COL26A1: variants seen among roughly 807,000 people sequenced by gnomAD.
COL26A1 encodes the protein collagen type XXVI alpha 1 chain, also known as collagen alpha-1(XXVI) chain.
Under a neutral mutation model 59.3 loss-of-function variants are expected in COL26A1, and 41 were observed. The ratio of observed to expected loss-of-function variants is 0.69; its 90% CI spans 0.54 to 0.90. The LOEUF (loss-of-function observed/expected upper bound fraction) is 0.90, where lower values mean the gene tolerates loss of function less well. Among genes scored for constraint, COL26A1 ranks in the 40% least tolerant of loss-of-function variants. COL26A1 has a pLI of 0.00. For missense variants in COL26A1, 612 were observed against 602.3 expected (o/e 1.02, Z -0.17); for synonymous variants, 266 against 256.0 (o/e 1.04, Z -0.37).
At chr7:101,426,038 G>A (rs527778387) in intron 2 of COL26A1, among the ~76,000 whole-genome samples, 13 of 151,986 alleles carry the variant, frequency 8.6e-5, no homozygotes, top group Non-Finnish European at 1.6e-4. Flanking sequence ...TGTTGGCCAG[G>A]CTGGTCTCGA....
chr7:101,510,019 C>G (rs972335839), intron 3 of COL26A1, among the ~76,000 whole-genome samples: 1 of 122,496 alleles, frequency 8.2e-6, no homozygotes, highest in Non-Finnish European at 1.6e-5. Flanking sequence ...TAAGCCATCG[C>G]GCCCAGTCTT....
chr7:101,470,421 C>A (rs776791548), intron 3 of COL26A1, among the ~76,000 whole-genome samples: 8 of 151,906 alleles, frequency 5.3e-5, no homozygotes, highest in Non-Finnish European at 1.0e-4. Context: ...ATTGGCATAG[C>A]TGCCGGCATT....
chr7:101,540,823 CG>C (rs1795599489), intron 5 of COL26A1, among the ~76,000 whole-genome samples: 1 of 152,088 alleles, frequency 6.6e-6, no homozygotes, highest in African/African-American at 2.4e-5. Flanking sequence ...GCCTGGAAGA[CG>C]GGGTGAAACC....
At chr7:101,502,766 C>T (rs7800182) in intron 3 of COL26A1, among the ~76,000 whole-genome samples, 3 of 152,122 alleles carry the variant, frequency 2.0e-5, no homozygotes, top group African/African-American at 4.8e-5. Flanking sequence ...GGTCTAGGGA[C>T]GCATGCCCCC....
In COL26A1 at chr7:101,557,619, G is replaced by T; in HGVS notation, c.*89G>T. The T allele has an allele frequency of 7.5e-7, 1 of 1,324,596 alleles. No individual in the cohort carries two copies. 82.1% of individuals were successfully genotyped at this position (1,324,596 alleles called of 1,614,324 possible). ...GCTGTTTCCTAAAGATGCCCCCAGGGGAACTGGGCTCCAGGCATGGATGAT... is the reference window on the plus strand; with the variant it reads ...GCTGTTTCCTAAAGATGCCCCCAGGTGAACTGGGCTCCAGGCATGGATGAT... On this transcript the variant is annotated 3_prime_UTR_variant, in exon 13 of 13. Coordinates refer to ENST00000313669, the MANE Select transcript of COL26A1 (RefSeq NM_001278563.3).
At chr7:101,394,085 A>G (rs1196872127) in intron 1 of COL26A1, among the ~76,000 whole-genome samples, 1 of 151,892 alleles carries the variant, frequency 6.6e-6, no homozygotes, top group Non-Finnish European at 1.5e-5. Flanking sequence ...GCTGGGAACC[A>G]ATGCTTATTG....
intron 1 of COL26A1, among the ~76,000 whole-genome samples, chr7:101,391,513 A>G (rs1791727946): frequency 6.6e-6 from 1 of 152,056 alleles, no homozygotes; most frequent in Non-Finnish European, 1.5e-5. Flanking sequence ...GGTCTTCTCT[A>G]TGGTTCTCTG....
In COL26A1 at chr7:101,466,635, A is replaced by C. The variant is rs188628270; in HGVS notation, c.385+18848A>C. ...AGCCTCGGAGGTTGAGGCTGCAGTG[A>C]GCTGTGATTGTGCCACTGCACTCCA... On this transcript the variant is annotated intron_variant, in intron 3 of 12. Coordinates refer to ENST00000313669, the MANE Select transcript of COL26A1 (RefSeq NM_001278563.3). Among the ~76,000 whole-genome samples the C allele has an allele frequency of 5.5e-3, 833 of 152,212 alleles. 5 individuals are homozygous for C. The highest frequency in any genetic ancestry group is 0.019 in the African/African-American group (808 of 41,532).
At chr7:101,474,583 C>T (rs1361826079) in intron 3 of COL26A1, among the ~76,000 whole-genome samples, 1 of 151,998 alleles carries the variant, frequency 6.6e-6, no homozygotes, top group Admixed American at 6.6e-5. Flanking sequence ...CAGAGCCAGA[C>T]CCTGTCTCAA....
intron 2 of COL26A1, among the ~76,000 whole-genome samples, chr7:101,421,273 G>A (rs548147779): frequency 2.0e-5 from 3 of 152,202 alleles, no homozygotes; most frequent in Non-Finnish European, 4.4e-5. Flanking sequence ...CTGGTCAAAT[G>A]CCTCCTTCCT....
At chr7:101,393,139 T>C (rs1247557174) in intron 1 of COL26A1, among the ~76,000 whole-genome samples, 1 of 152,042 alleles carries the variant, frequency 6.6e-6, no homozygotes, top group Non-Finnish European at 1.5e-5. Flanking sequence ...GTAGCTGAGA[T>C]TACAGGCGTG....
intron 3 of COL26A1, among the ~76,000 whole-genome samples, chr7:101,528,215 C>T (rs1003586289): frequency 2.0e-5 from 3 of 152,104 alleles, no homozygotes; most frequent in Admixed American, 2.0e-4. Flanking sequence ...AAACTGGGCC[C>T]AGGCCCAGCA....
At chr7:101,486,081 G>A (rs1304363951) in intron 3 of COL26A1, among the ~76,000 whole-genome samples, 1 of 151,796 alleles carries the variant, frequency 6.6e-6, no homozygotes, top group Non-Finnish European at 1.5e-5. Context: ...GCTGAGGCAC[G>A]AGAATCACTT....
intron 3 of COL26A1, among the ~76,000 whole-genome samples, chr7:101,502,897 G>A (rs1794734808): frequency 6.6e-6 from 1 of 152,254 alleles, no homozygotes; most frequent in East Asian, 1.9e-4. Flanking sequence ...TCTAAGGGGC[G>A]GGAGCTGCTC....
In COL26A1 at chr7:101,362,899, A is replaced by G. The variant is rs1790925955; in HGVS notation, c.-134A>G. 1.1e-6 allele frequency: 1 copy of G among 881,382 alleles called. No individual in the cohort carries two copies. The highest frequency in any genetic ancestry group is 1.6e-6 in the Non-Finnish European group (1 of 616,046). The allele number at this position is 881,382 out of a possible 1,614,324, so 54.6% of individuals were successfully genotyped here. ...CGCCCCCCACACATTTCCAGCTCGC[A>G]CCCGGGCTCCGACCGCTCGCCCCGC... is the stretch of plus-strand genomic sequence containing the variant. On this transcript the variant is annotated 5_prime_UTR_variant, in exon 1 of 13. Coordinates refer to ENST00000313669, the MANE Select transcript of COL26A1 (RefSeq NM_001278563.3).
At chr7:101,423,813 T>A (rs1409040209) in intron 2 of COL26A1, among the ~76,000 whole-genome samples, 1 of 151,954 alleles carries the variant, frequency 6.6e-6, no homozygotes, top group Non-Finnish European at 1.5e-5. Flanking sequence ...CTCCTTGGAG[T>A]TCGGAGGCCA....
At chr7:101,519,082 C>T (rs1031551863) in intron 3 of COL26A1, among the ~76,000 whole-genome samples, 1 of 152,304 alleles carries the variant, frequency 6.6e-6, no homozygotes, top group African/African-American at 2.4e-5. Flanking sequence ...ATCAAACAGA[C>T]CTGCCATGAC....
At chr7:101,524,321 T>G (rs1795197809) in intron 3 of COL26A1, among the ~76,000 whole-genome samples, 1 of 151,120 alleles carries the variant, frequency 6.6e-6, no homozygotes, top group African/African-American at 2.4e-5. Context: ...ATTAATCACC[T>G]GTACTCCCCC....
chr7:101,551,846 G>A (rs1795870447), intron 10 of COL26A1, among the ~76,000 whole-genome samples: 1 of 152,208 alleles, frequency 6.6e-6, no homozygotes, highest in South Asian at 2.1e-4. Flanking sequence ...TGTGGGGCGG[G>A]GAGGAGGAGT....
Sources: gnomAD v4.1 joint callset for allele counts (sites outside exome capture counted in the v4.1 genomes callset) on GRCh38, gnomAD v4.1.1 for gene constraint, MANE v1.5 for transcripts, NCBI Gene and HGNC (gene_info 2026-07-23, HGNC 2026-07-21) for gene names.